The following MGST1 variants were observed in gnomAD, a reference collection of about 807,000 sequenced individuals.
The protein encoded by MGST1 is glutathione S-transferase 12.
MGST1 carries 5 observed loss-of-function variants against 8.9 expected under a neutral mutation model. The observed-to-expected ratio is 0.56, with a 90% CI of 0.29 to 1.19. The LOEUF (loss-of-function observed/expected upper bound fraction) is 1.19, where lower values mean the gene tolerates loss of function less well. Among genes scored for constraint, MGST1 ranks in the 50% most tolerant of loss-of-function variants. MGST1 has a pLI of 0.08. For missense variants in MGST1, 182 were observed against 187.4 expected, an observed-to-expected ratio of 0.97 and a Z score of 0.17; for synonymous variants, 54 against 67.8, an observed-to-expected ratio of 0.80 and a Z score of 1.00.
At chr12:16,430,289 C>T (rs1186111793) in intron 1 of MGST1, among the ~76,000 whole-genome samples, 1 of 152,112 alleles carries the variant, frequency 6.6e-6, no homozygotes, top group Non-Finnish European at 1.5e-5. Context: ...CAACTTATTC[C>T]AAATTTTTAT....
rs1487114155 is a variant in MGST1 at position 16,513,385 on chromosome 12, G to A, written n.483-76143G>A. 5 of 370,350 alleles carry A rather than the reference G, an allele frequency of 1.4e-5. No individual in the cohort carries two copies. The highest frequency in any genetic ancestry group is 2.1e-5 in the African/African-American group (1 of 46,772). 22.9% of individuals were successfully genotyped at this position (370,350 alleles called of 1,614,324 possible). On this transcript the variant is annotated intron_variant and non_coding_transcript_variant, in intron 4 of 4. Transcript: ENST00000538857. The surrounding 1 kb of genome is among the most constrained non-coding windows in gnomAD (Gnocchi z 4.2). Reference sequence around the variant, plus strand: ...TGCGTCTGCCCACTGCCCTCCTACCGTCCACCATGGCTCCTCTGCGCTCCA... The same window carrying A: ...TGCGTCTGCCCACTGCCCTCCTACCATCCACCATGGCTCCTCTGCGCTCCA...
chr12:16,401,209 T>C lies in MGST1; in HGVS notation n.778+17605T>C, dbSNP rs1940652811. On this transcript the variant is annotated intron_variant and non_coding_transcript_variant, in intron 1 of 1. Transcript: ENST00000359720. The surrounding 1 kb of genome is among the most constrained non-coding windows in gnomAD (Gnocchi z 4.3). ...GCCATCCTCATCCATAAGCACTGTG[T>C]CACTAAGGAACAGGGCATAGGTTTT... is the stretch of plus-strand genomic sequence containing the variant. 6.4e-7 allele frequency: 1 copy of C among 1,563,542 alleles called. No individual in the cohort carries two copies. Among genetic ancestry groups the C allele is most frequent in the Non-Finnish European group, 8.8e-7 (1 of 1,136,378 alleles).
chr12:16,452,135 G>A (rs1014678096), intron 4 of MGST1, among the ~76,000 whole-genome samples: 1 of 151,782 alleles, frequency 6.6e-6, no homozygotes, highest in Non-Finnish European at 1.5e-5. Context: ...GGAACTAAAC[G>A]TGGGCAGTGT....
intron 1 of MGST1, among the ~76,000 whole-genome samples, chr12:16,421,992 G>A (rs1940840707): frequency 6.6e-6 from 1 of 152,110 alleles, no homozygotes; most frequent in South Asian, 2.1e-4. Context: ...GACATTTTTG[G>A]CAGCAGTGTC....
chr12:16,570,493 A>G (rs887238700), intron 4 of MGST1, among the ~76,000 whole-genome samples: 4 of 152,180 alleles, frequency 2.6e-5, no homozygotes, highest in African/African-American at 7.2e-5. Context: ...GAAGCATTAT[A>G]GGAAAATGAT....
In MGST1 at chr12:16,352,741, G is replaced by A. The variant is rs139435601; in HGVS notation, c.-22-1490G>A. Among the ~76,000 whole-genome samples, 471 of 152,176 alleles carry A rather than the reference G, an allele frequency of 3.1e-3. 2 individuals are homozygous for A. Among genetic ancestry groups the A allele is most frequent in the Admixed American group, 7.3e-3 (112 of 15,298 alleles). ...CGGCTTTTAGTTGAATGTAACTTTG[G>A]AATGTGAAATGACTCAAGGATCATG... On this transcript the variant is annotated intron_variant, in intron 1 of 3. Coordinates refer to ENST00000396210, the MANE Select transcript of MGST1 (RefSeq NM_020300.5).
intron 4 of MGST1, among the ~76,000 whole-genome samples, chr12:16,504,596 T>C (rs1302599496): frequency 6.6e-6 from 1 of 152,162 alleles, no homozygotes; most frequent in African/African-American, 2.4e-5. Context: ...CTGATAAAGC[T>C]AATGGGGAGA....
At chr12:16,462,742 T>C (rs1005456749) in intron 4 of MGST1, among the ~76,000 whole-genome samples, 2 of 152,158 alleles carry the variant, frequency 1.3e-5, no homozygotes, top group African/African-American at 2.4e-5. Context: ...TTTTATAATG[T>C]AGAAAACTGA....
chr12:16,359,685 G>A (rs9332924), intron 3 of MGST1, among the ~76,000 whole-genome samples: 3,187 of 152,244 alleles, frequency 0.021, 116 homozygotes, highest in African/African-American at 0.073. Flanking sequence ...GCCTTGTCTG[G>A]TCCTTTATGC....
At chr12:16,506,380 C>T (rs1196480684) in intron 4 of MGST1, among the ~76,000 whole-genome samples, 1 of 152,092 alleles carries the variant, frequency 6.6e-6, no homozygotes, top group Non-Finnish European at 1.5e-5. Flanking sequence ...GAAGGAGGCA[C>T]TATTTTCCAG....
exon 1 of MGST1, chr12:16,383,473 A>C (rs1176182945): frequency 6.9e-6 from 1 of 145,940 alleles, no homozygotes; most frequent in Admixed American, 6.8e-5. Flanking sequence ...TTTTCTTTTT[A>C]TTTTTGAGAC....
chr12:16,582,419 G>A lies in MGST1; in HGVS notation n.483-7109G>A, dbSNP rs1943190146. 6.6e-6 allele frequency among the ~76,000 whole-genome samples: 1 copy of A among 152,126 alleles called. No individual in the cohort carries two copies. Among genetic ancestry groups the A allele is most frequent in the Admixed American group, 6.5e-5 (1 of 15,270 alleles). On this transcript the variant is annotated intron_variant and non_coding_transcript_variant, in intron 4 of 4. Transcript: ENST00000538857. This position sits in a 1 kb window ranked among gnomAD's most constrained non-coding sequence, Gnocchi z 4.1. The stretch of plus-strand genomic sequence containing the variant: ...GTATCTGTATGCAAAAATAGCATTA[G>A]TGTTTTATATTTTATATTGTCTTTA...
In MGST1 at chr12:16,582,359, G is replaced by A. The variant is rs1344326516; in HGVS notation, n.483-7169G>A. 6.6e-6 allele frequency among the ~76,000 whole-genome samples: 1 copy of A among 152,178 alleles called. No homozygotes were observed. Among genetic ancestry groups the A allele is most frequent in the East Asian group, 1.9e-4 (1 of 5,202 alleles). ...CCTATAGTATTATTCATTTTAGACA[G>A]TGACAGACTATTTGCTAATATCTTT... On this transcript the variant is annotated intron_variant and non_coding_transcript_variant, in intron 4 of 4. Transcript: ENST00000538857. This position sits in a 1 kb window ranked among gnomAD's most constrained non-coding sequence, Gnocchi z 4.1.
chr12:16,563,369 A>G (rs1178822270), intron 4 of MGST1, among the ~76,000 whole-genome samples: 1 of 152,238 alleles, frequency 6.6e-6, no homozygotes, highest in Non-Finnish European at 1.5e-5. Flanking sequence ...ATTATTTTAT[A>G]AAATGGGATT....
At chr12:16,392,594 C>G (rs1447877266) in intron 1 of MGST1, among the ~76,000 whole-genome samples, 1 of 152,112 alleles carries the variant, frequency 6.6e-6, no homozygotes, top group Non-Finnish European at 1.5e-5. Context: ...AATCTCAACT[C>G]CAGTCCTTCA....
intron 4 of MGST1, among the ~76,000 whole-genome samples, chr12:16,567,224 AC>A (rs1193840450): frequency 6.6e-6 from 1 of 151,952 alleles, no homozygotes; most frequent in Non-Finnish European, 1.5e-5. Context: ...AAACAAACAA[AC>A]AAAAAACTAC....
At chr12:16,422,840 A>G (rs1940850178) in intron 1 of MGST1, among the ~76,000 whole-genome samples, 1 of 152,122 alleles carries the variant, frequency 6.6e-6, no homozygotes, top group African/African-American at 2.4e-5. Context: ...AGCTCCAGGT[A>G]CTGCTTCCTC....
In MGST1 at chr12:16,402,274, T is replaced by C. The variant is rs1940662759; in HGVS notation, n.778+18670T>C. The C allele has an allele frequency of 2.5e-6, 4 of 1,589,988 alleles. No individual in the cohort carries two copies. The African/African-American group carries it at 4.0e-5, about 16-fold the overall frequency. On this transcript the variant is annotated intron_variant and non_coding_transcript_variant, in intron 1 of 1. Transcript: ENST00000359720. ...CCAAAGAGCCATGTCTGTAAGGCAGTTGATTTGGAATAAACAATTTCTTCA... is the reference window on the plus strand; with the variant it reads ...CCAAAGAGCCATGTCTGTAAGGCAGCTGATTTGGAATAAACAATTTCTTCA...
chr12:16,375,337 A>G (rs1488116751), intron 3 of MGST1, among the ~76,000 whole-genome samples: 1 of 152,186 alleles, frequency 6.6e-6, no homozygotes, highest in East Asian at 1.9e-4. Flanking sequence ...AAACATAAAT[A>G]TTTTACATAA....
Sources: allele counts gnomAD v4.1 joint callset (sites outside exome capture counted in the v4.1 genomes callset), GRCh38; gene constraint gnomAD v4.1.1; non-coding constraint Gnocchi (gnomAD v3.1); transcripts MANE v1.5; gene names NCBI Gene and HGNC (gene_info 2026-07-23, HGNC 2026-07-21).